PTPRD: variants seen among roughly 807,000 people sequenced by gnomAD.
PTPRD encodes the protein protein tyrosine phosphatase receptor type D, also known as receptor-type tyrosine-protein phosphatase delta.
In PTPRD, 34 loss-of-function variants were observed where a neutral mutation model predicts 214.5. That is an observed-to-expected ratio of 0.16 (90% confidence interval 0.12 to 0.21). PTPRD has a LOEUF of 0.21. Ranked by LOEUF, PTPRD falls within the 10% of genes least tolerant of loss-of-function variation. The probability of loss-of-function intolerance (pLI) is 1.00; values close to 1 mark genes in which losing one functional copy is unlikely to be tolerated. For synonymous variants in PTPRD, 1,128 were observed against 845.7 expected (o/e 1.33, Z -5.79); for missense variants, 2,545 against 2,398.7 (o/e 1.06, Z -1.27).
At chr9:9,141,552 C>T (rs141920263) in intron 10 of PTPRD, among the ~76,000 whole-genome samples, 10 of 151,890 alleles carry the variant, frequency 6.6e-5, no homozygotes, top group African/African-American at 2.4e-4. Flanking sequence ...AAATTCAATA[C>T]ATTATACTGT....
In PTPRD at chr9:10,596,028, A is replaced by C. The variant is rs559352983; in HGVS notation, c.-600+16370T>G. On this transcript the variant is annotated intron_variant, in intron 2 of 45. Coordinates refer to ENST00000381196, the MANE Select transcript of PTPRD (RefSeq NM_002839.4). ...TTCCTTTCAAATCGTTTTTCTTCTA[A>C]TCCACCAGTTATATACACACAAATA... Among the ~76,000 whole-genome samples the C allele has an allele frequency of 4.6e-5, 7 of 151,926 alleles. No homozygotes were observed. In the South Asian group the frequency reaches 1.5e-3, roughly 31 times the overall value.
chr9:10,186,061 A>C (rs2099328840), intron 3 of PTPRD, among the ~76,000 whole-genome samples: 1 of 150,844 alleles, frequency 6.6e-6, no homozygotes, highest in African/African-American at 2.5e-5. Context: ...CAGTGGTAGA[A>C]GATAATTATG....
intron 4 of PTPRD, among the ~76,000 whole-genome samples, chr9:9,995,718 A>T (rs756070513): frequency 2.6e-5 from 4 of 152,036 alleles, no homozygotes; most frequent in African/African-American, 9.7e-5. Flanking sequence ...CTATTACCCA[A>T]TTACAGTGTA....
chr9:8,714,573 C>T (rs1201036350), intron 12 of PTPRD, among the ~76,000 whole-genome samples: 1 of 152,178 alleles, frequency 6.6e-6, no homozygotes, highest in African/African-American at 2.4e-5. Flanking sequence ...ACATTTTCTC[C>T]ATTCATTCCC....
In PTPRD at chr9:10,451,166, C is replaced by T. The variant is rs894276031; in HGVS notation, c.-599-110149G>A. 8.6e-5 allele frequency among the ~76,000 whole-genome samples: 13 copies of T among 151,838 alleles called. 1 individual carries two copies. Among genetic ancestry groups the T allele is most frequent in the African/African-American group, 3.2e-4 (13 of 41,224 alleles). On this transcript the variant is annotated intron_variant, in intron 2 of 45. Coordinates refer to ENST00000381196, the MANE Select transcript of PTPRD (RefSeq NM_002839.4). ...TTGACTCACTACACAGTTTAAAACACCTCAAGTGGCAAAATATACACTAAT... is the reference window on the plus strand; with the variant it reads ...TTGACTCACTACACAGTTTAAAACATCTCAAGTGGCAAAATATACACTAAT...
At chr9:8,384,280 C>A (rs1240055897) in intron 37 of PTPRD, among the ~76,000 whole-genome samples, 1 of 152,010 alleles carries the variant, frequency 6.6e-6, no homozygotes, top group African/African-American at 2.4e-5. Flanking sequence ...AATTCGTGTG[C>A]TTATTGGCAT....
At chr9:10,348,255 A>G (rs560891333) in intron 2 of PTPRD, among the ~76,000 whole-genome samples, 2 of 152,282 alleles carry the variant, frequency 1.3e-5, no homozygotes, top group Admixed American at 6.5e-5. Context: ...CAGAGCTTCT[A>G]ACTATAAACT....
At chr9:9,302,818 T>C (rs1174528364) in intron 9 of PTPRD, among the ~76,000 whole-genome samples, 1 of 151,832 alleles carries the variant, frequency 6.6e-6, no homozygotes, top group Non-Finnish European at 1.5e-5. Flanking sequence ...TTTACTTAGC[T>C]CTGATATTAC....
intron 25 of PTPRD, among the ~76,000 whole-genome samples, chr9:8,497,616 T>G (rs1163210374): frequency 2.0e-5 from 3 of 152,218 alleles, no homozygotes; most frequent in African/African-American, 7.2e-5. Flanking sequence ...AAGTCACTAT[T>G]TAGATTAATA....
chr9:8,608,739 C>A (rs1318697996), intron 14 of PTPRD, among the ~76,000 whole-genome samples: 5 of 151,456 alleles, frequency 3.3e-5, no homozygotes, highest in Non-Finnish European at 7.4e-5. Flanking sequence ...GAAAATGCAC[C>A]GAAAAAAATA....
At chr9:9,225,309 C>A (rs1191488224) in intron 9 of PTPRD, among the ~76,000 whole-genome samples, 1 of 151,856 alleles carries the variant, frequency 6.6e-6, no homozygotes, top group Non-Finnish European at 1.5e-5. Context: ...AGGTGACAAC[C>A]AGACAGAAAT....
At chr9:8,662,667 A>G (rs746343620) in intron 12 of PTPRD, among the ~76,000 whole-genome samples, 37 of 152,216 alleles carry the variant, frequency 2.4e-4, no homozygotes, top group African/African-American at 8.2e-4. Flanking sequence ...ATAGGCCCCA[A>G]TACTCCCTAC....
intron 11 of PTPRD, among the ~76,000 whole-genome samples, chr9:8,738,623 G>T (rs969930657): frequency 4.0e-5 from 6 of 151,138 alleles, no homozygotes; most frequent in Admixed American, 6.6e-5. Flanking sequence ...GTGACAAAAA[G>T]AATAATAACT....
intron 2 of PTPRD, among the ~76,000 whole-genome samples, chr9:10,464,244 A>AT (rs202010588): frequency 1.3e-5 from 2 of 152,158 alleles, no homozygotes; most frequent in East Asian, 3.9e-4. Context: ...CTAAAAAAAA[A>AT]TTTTAAATGC....
intron 11 of PTPRD, among the ~76,000 whole-genome samples, chr9:8,776,475 G>A (rs1019671671): frequency 6.6e-6 from 1 of 151,696 alleles, no homozygotes; most frequent in Non-Finnish European, 1.5e-5. Context: ...CTAATTTTTG[G>A]TTAGTAAAGA....
At chr9:8,835,497 T>A (rs1320436288) in intron 11 of PTPRD, among the ~76,000 whole-genome samples, 1 of 152,200 alleles carries the variant, frequency 6.6e-6, no homozygotes, top group Non-Finnish European at 1.5e-5. Context: ...CTGATTTCCT[T>A]ACAGCCCTTT....
chr9:9,518,539 G>T (rs1465836598), intron 8 of PTPRD, among the ~76,000 whole-genome samples: 2 of 152,016 alleles, frequency 1.3e-5, no homozygotes, highest in Non-Finnish European at 2.9e-5. Context: ...TGCAGAAATT[G>T]ATATTCTGGC....
At chr9:8,455,078 C>G (rs1429442553) in intron 33 of PTPRD, among the ~76,000 whole-genome samples, 1 of 152,110 alleles carries the variant, frequency 6.6e-6, no homozygotes, top group African/African-American at 2.4e-5. Context: ...AAAATATCTG[C>G]AAATTGTATT....
chr9:10,225,364 A>G (rs1354551092), intron 3 of PTPRD, among the ~76,000 whole-genome samples: 1 of 152,058 alleles, frequency 6.6e-6, no homozygotes, highest in African/African-American at 2.4e-5. Context: ...AGTTTAATGT[A>G]TGTAGCCTTC....
Sources: gnomAD v4.1 joint callset for allele counts (sites outside exome capture counted in the v4.1 genomes callset) on GRCh38, gnomAD v4.1.1 for gene constraint, MANE v1.5 for transcripts, NCBI Gene and HGNC (gene_info 2026-07-23, HGNC 2026-07-21) for gene names.